The following MYOF variants were observed in gnomAD, a reference collection of about 807,000 sequenced individuals.
The protein encoded by MYOF is fer-1-like 3, myoferlin.
In MYOF, 244 loss-of-function variants were observed where a neutral mutation model predicts 284.2. The observed-to-expected ratio is 0.86, with a 90% CI of 0.77 to 0.95. The LOEUF (loss-of-function observed/expected upper bound fraction) is 0.95. MYOF is among the 40% of genes least tolerant of loss of function. The pLI, the probability that MYOF is intolerant of heterozygous loss-of-function variation, is 0.00. For missense variants in MYOF, 2,496 were observed against 2,560.6 expected, an observed-to-expected ratio of 0.97 and a Z score of 0.54; for synonymous variants, 904 against 919.7, an observed-to-expected ratio of 0.98 and a Z score of 0.31.
At chr10:93,380,068 G>A in intron 20 of MYOF, 81 bp from the exon 21 acceptor site, 2 of 1,522,022 alleles carry the variant, frequency 1.3e-6, no homozygotes, top group Non-Finnish European at 1.8e-6. Flanking sequence ...TGCAGACTGA[G>A]CTGCTGATTA....
chr10:93,344,613 A>G (rs1036938903), intron 37 of MYOF, among the ~76,000 whole-genome samples: 3 of 151,876 alleles, frequency 2.0e-5, no homozygotes, highest in Non-Finnish European at 4.4e-5. Flanking sequence ...GGCCAGGGGA[A>G]GGAGAAATAT....
At chr10:93,430,485 G>T (rs1313984383) in intron 4 of MYOF, among the ~76,000 whole-genome samples, 3 of 151,482 alleles carry the variant, frequency 2.0e-5, no homozygotes, top group Non-Finnish European at 4.4e-5. Context: ...AGGAGGCTGA[G>T]GTAGAAGAAT....
At chr10:93,426,200 C>A in intron 4 of MYOF, 42 bp from the exon 5 acceptor site, 1 of 1,541,264 alleles carries the variant, frequency 6.5e-7, no homozygotes. Flanking sequence ...CAGTGCAGGG[C>A]ACCAGCATGT....
At chr10:93,473,558 G>A (rs2057197471) in intron 1 of MYOF, among the ~76,000 whole-genome samples, 1 of 152,244 alleles carries the variant, frequency 6.6e-6, no homozygotes, top group Non-Finnish European at 1.5e-5. Context: ...TGGCTGCCAT[G>A]TGCAGGGAGA....
In MYOF at chr10:93,306,840, G is replaced by C. The variant is rs542606598; in HGVS notation, c.*123C>G. ...GACCCTCTGGGAATCAATGGGGCTC[G>C]GTGACATGGCGTAACCTGCTACTGG... On this transcript the variant is annotated 3_prime_UTR_variant, in exon 54 of 54. Transcript: ENST00000359263. The C allele has an allele frequency of 2.0e-6, 2 of 1,010,550 alleles. No individual in the cohort carries two copies. The highest frequency in any genetic ancestry group is 3.3e-5 in the African/African-American group (2 of 60,788). 62.6% of individuals were successfully genotyped at this position (1,010,550 alleles called of 1,614,324 possible). A position where few individuals can be genotyped will look rare whatever the true frequency, so the allele number is the denominator to read the frequency against.
intron 4 of MYOF, among the ~76,000 whole-genome samples, chr10:93,428,065 T>A (rs1270245583): frequency 6.6e-6 from 1 of 151,728 alleles, no homozygotes; most frequent in Non-Finnish European, 1.5e-5. Context: ...CCTTTGCAAA[T>A]AAGGATGGCA....
chr10:93,317,466 G>A (rs906330225), intron 49 of MYOF, among the ~76,000 whole-genome samples: 9 of 151,784 alleles, frequency 5.9e-5, no homozygotes, highest in South Asian at 4.2e-4. Flanking sequence ...GTGAAACCCC[G>A]TCTCTACTAA....
chr10:93,378,789 T>C (rs545259489), intron 21 of MYOF, among the ~76,000 whole-genome samples: 1 of 150,412 alleles, frequency 6.6e-6, no homozygotes, highest in African/African-American at 2.4e-5. Flanking sequence ...CTTGGCTCAC[T>C]GCAACCTCCG....
chr10:93,416,007 C>T (rs889069519), intron 5 of MYOF, among the ~76,000 whole-genome samples: 1 of 152,204 alleles, frequency 6.6e-6, no homozygotes, highest in African/African-American at 2.4e-5. Context: ...CCAGCCAGCC[C>T]TCTGCCCTCC....
chr10:93,399,749 G>A (rs1008821593), intron 12 of MYOF, among the ~76,000 whole-genome samples: 1 of 152,218 alleles, frequency 6.6e-6, no homozygotes, highest in Non-Finnish European at 1.5e-5. Flanking sequence ...GCACGCGCCT[G>A]TAATCCCAGC....
At chr10:93,346,684 TCTC>T (rs972407933) in intron 37 of MYOF, among the ~76,000 whole-genome samples, 7 of 152,310 alleles carry the variant, frequency 4.6e-5, no homozygotes, top group Admixed American at 3.9e-4. Flanking sequence ...TGAAATAAAA[TCTC>T]CTCCTCTCTC....
Position 93,316,810 on chromosome 10 carries a change from G to A in MYOF, c.5602C>T (p.His1868Tyr). ...EQLCIVAKKEHFWSIDQTEFR... is the reference protein window; with the variant it reads ...EQLCIVAKKEYFWSIDQTEFR... The stretch of plus-strand genomic sequence containing the variant: ...TCCGTTTGGTCAATACTCCAGAAAT[G>A]CTCCTAAAACAAAAAGAAACATGAT... Residue 1868 changes from histidine to tyrosine, a missense_variant, in exon 50 of 54, where the codon CAT becomes TAT. By Grantham distance (83) the His-to-Tyr change is moderately conservative. Around this residue, in one of 3 missense-constraint regions of MYOF, gnomAD observed 2,436 missense variants for 2,480.7 expected, o/e 0.98. Coordinates refer to ENST00000359263, the MANE Select transcript of MYOF (RefSeq NM_013451.4). The A allele has an allele frequency of 1.2e-6, 2 of 1,611,898 alleles. No individual in the cohort carries two copies. Among genetic ancestry groups the A allele is most frequent in the African/African-American group, 2.7e-5 (2 of 74,880 alleles).
At chr10:93,436,487 A>T (rs1849125641) in intron 3 of MYOF, among the ~76,000 whole-genome samples, 2 of 152,124 alleles carry the variant, frequency 1.3e-5, no homozygotes, top group Middle Eastern at 3.4e-3. Context: ...TTTATTTATT[A>T]TTTTTTCTGA....
chr10:93,355,797 TCAAC>T, intron 30 of MYOF, 61 bp from the exon 31 acceptor site: 1 of 1,246,628 alleles, frequency 8.0e-7, no homozygotes, highest in Non-Finnish European at 1.2e-6. Flanking sequence ...TAAAAGCAAA[TCAAC>T]CAACCAAGAG....
At position 93,333,240 on chromosome 10, in the gene MYOF, G is replaced by A; in HGVS notation, c.4792C>T (p.Leu1598Phe). Residue 1598 changes from leucine to phenylalanine, a missense_variant, in exon 43 of 54, where the codon CTC (leucine) becomes TTC (phenylalanine). By Grantham distance (22) the Leu-to-Phe change is conservative (BLOSUM62 0). Transcript: ENST00000359263. ...TATTACCTGCCAAAGACTGGGTTGA[G>A]AGTGTTGGGAATGTAGTGATCTCGG... is the stretch of plus-strand genomic sequence containing the variant. ...EDRDHYIPNTLNPVFGRMYEL... is the reference protein window; with the variant it reads ...EDRDHYIPNTFNPVFGRMYEL... The A allele has an allele frequency of 1.9e-6, 3 of 1,614,116 alleles. No homozygotes were observed. The highest frequency in any genetic ancestry group is 2.5e-6 in the Non-Finnish European group (3 of 1,179,934).
chr10:93,370,594 C>T (rs769226552), intron 24 of MYOF, among the ~76,000 whole-genome samples: 22 of 152,082 alleles, frequency 1.4e-4, no homozygotes, highest in Admixed American at 5.9e-4. Context: ...GGATGACAGG[C>T]GTACACCACT....
chr10:93,445,091 T>A (rs1261911283), intron 3 of MYOF, among the ~76,000 whole-genome samples: 1 of 151,390 alleles, frequency 6.6e-6, no homozygotes, highest in African/African-American at 2.4e-5. Context: ...GAGAATTAAA[T>A]TTTTTTTTGT....
intron 12 of MYOF, among the ~76,000 whole-genome samples, chr10:93,399,959 T>C (rs1847195521): frequency 6.6e-6 from 1 of 152,170 alleles, no homozygotes; most frequent in South Asian, 2.1e-4. Context: ...ATCACTTGAA[T>C]CTTGCAGTTA....
At chr10:93,389,457 G>A (rs1222161675) in intron 17 of MYOF, among the ~76,000 whole-genome samples, 3 of 152,114 alleles carry the variant, frequency 2.0e-5, no homozygotes, top group Non-Finnish European at 2.9e-5. Context: ...AGTTTATAAT[G>A]GGCATTGTAT....
Sources: gnomAD v4.1 joint callset for allele counts (sites outside exome capture counted in the v4.1 genomes callset) on GRCh38, gnomAD v4.1.1 for gene constraint, gnomAD v4.1.1 regional missense constraint, MANE v1.5 for transcripts, NCBI Gene and HGNC (gene_info 2026-07-23, HGNC 2026-07-21) for gene names.